The following TMPRSS9 variants were observed in gnomAD, a reference collection of about 807,000 sequenced individuals.
TMPRSS9 encodes the protein transmembrane serine protease 9, also known as transmembrane protease serine 9.
In TMPRSS9, 113 loss-of-function variants were observed where a neutral mutation model predicts 111.4. The observed-to-expected ratio is 1.01, with a 90% confidence interval of 0.87 to 1.19. The LOEUF (loss-of-function observed/expected upper bound fraction) is 1.19, where lower values mean the gene tolerates loss of function less well. Among genes scored for constraint, TMPRSS9 ranks in the 50% most tolerant of loss-of-function variants. The pLI is 0.00. For synonymous variants in TMPRSS9, 805 were observed against 659.1 expected, an observed-to-expected ratio of 1.22 and a Z score of -3.39; for missense variants, 1,803 against 1,513.1, an observed-to-expected ratio of 1.19 and a Z score of -3.18.
At position 2,418,266 on chromosome 19, in the gene TMPRSS9, G is replaced by A. The variant is rs79737826; in HGVS notation, c.2154+128G>A. ...TCCTTCCCCCCCTCCTTCCCTCCTT[G>A]TCCTTCCCTCCTTTTCCTTTCCTCC... On this transcript the variant is annotated intron_variant, in intron 13 of 17. Coordinates refer to ENST00000648592, the Ensembl canonical transcript of TMPRSS9. 6.1e-5 allele frequency: 40 copies of A among 658,194 alleles called. 7 individuals are homozygous for A. In the East Asian group the frequency reaches 3.1e-3, roughly 52 times the overall value. 40.8% of individuals were successfully genotyped at this position (658,194 alleles called of 1,614,324 possible).
rs1263229816 is a variant in TMPRSS9, at chr19:2,391,305, AGAAATGCTCTC to A, written c.142+1380_142+1390del. 2.6e-3 allele frequency among the ~76,000 whole-genome samples: 380 copies of A among 147,948 alleles called. 5 individuals carry two copies. The highest frequency in any genetic ancestry group is 8.9e-3 in the African/African-American group (360 of 40,562). ...GATGATAATAAACAGCAATTTGGGG[AGAAATGCTCTC>A]GTGTGGCAAAATAGTAAGTTCGCGA... is the stretch of plus-strand genomic sequence containing the variant. On this transcript the variant is annotated intron_variant, in intron 1 of 17. Coordinates refer to ENST00000648592, the Ensembl canonical transcript of TMPRSS9.
At chr19:2,369,211 A>G (rs1970271079) in intron 1 of TMPRSS9, among the ~76,000 whole-genome samples, 1 of 151,966 alleles carries the variant, frequency 6.6e-6, no homozygotes, top group Non-Finnish European at 1.5e-5. Context: ...TCCCAAAGTG[A>G]TGGGATTACA....
chr19:2,418,186 A>C, intron 13 of TMPRSS9, 48 bp downstream of exon 14: 1 of 1,541,440 alleles, frequency 6.5e-7, no homozygotes, highest in South Asian at 1.1e-5. Context: ...TGAAATGCCC[A>C]CAGCCGTTCA....
chr19:2,418,191 C>T lies in TMPRSS9; in HGVS notation c.2154+53C>T, dbSNP rs111447322. The stretch of plus-strand genomic sequence containing the variant: ...AATATTTCCATGAAATGCCCACAGC[C>T]GTTCACCCAGCAGTTCTTTGTGTGC... On this transcript the variant is annotated intron_variant, in intron 13 of 17. Coordinates refer to ENST00000648592, the Ensembl canonical transcript of TMPRSS9. The T allele has an allele frequency of 3.0e-4, 458 of 1,541,102 alleles. 3 individuals are homozygous for T. The African/African-American group carries it at 5.4e-3, about 18-fold the overall frequency.
chr19:2,379,677 C>CTTTA (rs1240073481), intron 1 of TMPRSS9, among the ~76,000 whole-genome samples: 3 of 131,754 alleles, frequency 2.3e-5, no homozygotes, highest in Admixed American at 7.8e-5. Flanking sequence ...TTCTTTCTTT[C>CTTTA]TCTTTTTCTT....
At chr19:2,385,158 G>T (rs567250847), upstream of TMPRSS9, among the ~76,000 whole-genome samples, 1 of 128,972 alleles carries the variant, frequency 7.8e-6, no homozygotes, top group East Asian at 2.0e-4. Context: ...GGAGCTCGCG[G>T]AGGGCGGGGC....
chr19:2,379,615 C>CTCTTCCTTTCTTTCTT (rs1555676519), intron 1 of TMPRSS9, among the ~76,000 whole-genome samples: 2 of 118,618 alleles, frequency 1.7e-5, no homozygotes, highest in South Asian at 3.0e-4. Context: ...AACTTTCTTT[C>CTCTTCCTTTCTTTCTT]TCTTTCTTTC....
intron 1 of TMPRSS9, among the ~76,000 whole-genome samples, chr19:2,377,534 TCCCCTCTCCCCTCC>T (rs1970348096): frequency 6.2e-5 from 1 of 16,064 alleles, no homozygotes; most frequent in African/African-American, 4.4e-4. Context: ...CCTTCCCCTC[TCCCCTCTCCCCTCC>T]CCTCTCCCCT....
chr19:2,363,676 C>T (rs1241255020), intron 1 of TMPRSS9, among the ~76,000 whole-genome samples: 4 of 151,466 alleles, frequency 2.6e-5, no homozygotes, highest in Non-Finnish European at 5.9e-5. Context: ...CTGCGCCCCT[C>T]GGTCCCCCAG....
Position 2,418,311 on chromosome 19 carries a change from C to CCCTCCCTT in TMPRSS9, c.2154+173_2154+174insCCTCCCTT, listed in dbSNP as rs1568189291. Among the ~76,000 whole-genome samples, 9 of 31,202 alleles carry CCCTCCCTT rather than the reference C, an allele frequency of 2.9e-4. No homozygotes were observed. The African/African-American group carries it at 3.1e-3, about 11-fold the overall frequency. The allele number at this position is 31,202 out of a possible 152,430, so 20.5% of individuals were successfully genotyped here. A position where few individuals can be genotyped will look rare whatever the true frequency, so the allele number is the denominator to read the frequency against. ...TCCTCCTTTCCTTCCCTCCCTTTCC[C>CCCTCCCTT]TCCCTCCCTCCCTCCCTCCCTTTCC... On this transcript the variant is annotated intron_variant, in intron 13 of 17. Transcript: ENST00000648592.
In TMPRSS9 at chr19:2,418,310, C is replaced by CTT. The variant is rs1568189288; in HGVS notation, c.2154+172_2154+173insTT. Among the ~76,000 whole-genome samples the CTT allele has an allele frequency of 2.8e-4, 9 of 31,852 alleles. No individual in the cohort carries two copies. In the African/African-American group the frequency reaches 3.1e-3, roughly 11 times the overall value. 20.9% of individuals were successfully genotyped at this position (31,852 alleles called of 152,430 possible). On this transcript the variant is annotated intron_variant, in intron 13 of 17. Coordinates refer to ENST00000648592, the Ensembl canonical transcript of TMPRSS9. ...TTCCTCCTTTCCTTCCCTCCCTTTC[C>CTT]CTCCCTCCCTCCCTCCCTCCCTTTC...
chr19:2,401,232 C>T (rs1253558316), intron 4 of TMPRSS9, among the ~76,000 whole-genome samples: 1 of 152,132 alleles, frequency 6.6e-6, no homozygotes, highest in Non-Finnish European at 1.5e-5. Flanking sequence ...CGAGATCGCG[C>T]CACTGCTCTC....
intron 9 of TMPRSS9, 69 bp from the exon 11 acceptor site, chr19:2,413,631 G>A: frequency 6.6e-7 from 1 of 1,514,150 alleles, no homozygotes; most frequent in Admixed American, 1.8e-5. Context: ...CTCCTTCTTG[G>A]GCCTCGTAGC....
intron 9 of TMPRSS9, among the ~76,000 whole-genome samples, chr19:2,411,993 C>T (rs1971105845): frequency 1.3e-5 from 2 of 151,698 alleles, no homozygotes; most frequent in Non-Finnish European, 2.9e-5. Context: ...CGTTATGTTT[C>T]TTCTATATTC....
chr19:2,371,078 C>T (rs1235078615), intron 1 of TMPRSS9, among the ~76,000 whole-genome samples: 6 of 152,154 alleles, frequency 3.9e-5, no homozygotes, highest in Admixed American at 2.0e-4. Context: ...TCCCTGGCCC[C>T]GGATGTCCTC....
chr19:2,390,346 C>T (rs1389774227), intron 1 of TMPRSS9, among the ~76,000 whole-genome samples: 4 of 145,094 alleles, frequency 2.8e-5, no homozygotes, highest in African/African-American at 7.5e-5. Flanking sequence ...GGGTTCACAC[C>T]GTTCTCCTGT....
chr19:2,380,945 T>G (rs72989433), intron 1 of TMPRSS9, among the ~76,000 whole-genome samples: 2,559 of 152,204 alleles, frequency 0.017, 34 homozygotes, highest in Non-Finnish European at 0.026. Context: ...CTTCCGAACT[T>G]GAATAACTCA....
chr19:2,363,479 T>C (rs916571550), intron 1 of TMPRSS9, among the ~76,000 whole-genome samples: 3 of 109,966 alleles, frequency 2.7e-5, no homozygotes, highest in African/African-American at 1.1e-4. Flanking sequence ...GGCAGACACA[T>C]GGGTGGAGAT....
intron 7 of TMPRSS9, among the ~76,000 whole-genome samples, chr19:2,407,095 C>T (rs878866787): frequency 1.1e-4 from 16 of 151,904 alleles, no homozygotes; most frequent in African/African-American, 3.6e-4. Flanking sequence ...CCACTGCACC[C>T]GGCTCGATAT....
Sources: allele counts gnomAD v4.1 joint callset (sites outside exome capture counted in the v4.1 genomes callset), GRCh38; gene constraint gnomAD v4.1.1; transcripts MANE v1.5; gene names NCBI Gene and HGNC (gene_info 2026-07-23, HGNC 2026-07-21).